LYST: variants seen among roughly 807,000 people sequenced by gnomAD.
LYST encodes the protein lysosomal-trafficking regulator.
A neutral mutation model predicts 413.6 loss-of-function variants in LYST; 192 were observed. The ratio of observed to expected loss-of-function variants is 0.46; its 90% confidence interval spans 0.41 to 0.52. The LOEUF is 0.52. Among genes scored for constraint, LYST ranks in the 20% least tolerant of loss-of-function variants. The pLI, the probability that LYST is intolerant of heterozygous loss-of-function variation, is 0.00. For missense variants in LYST, 3,815 were observed against 4,499.9 expected (o/e 0.85, Z 4.35); for synonymous variants, 1,525 against 1,567.3 (o/e 0.97, Z 0.64).
chr1:235,801,819 TAAG>T (rs1260470807), intron 8 of LYST, among the ~76,000 whole-genome samples: 3 of 152,264 alleles, frequency 2.0e-5, no homozygotes, highest in South Asian at 4.1e-4. Flanking sequence ...GCCCTTTAAG[TAAG>T]ATATCAGTGA....
intron 11 of LYST, among the ~76,000 whole-genome samples, chr1:235,792,419 A>ATTC (rs1016435149): frequency 4.0e-5 from 6 of 151,488 alleles, no homozygotes; most frequent in Non-Finnish European, 8.8e-5. Context: ...GGTTCAGGCG[A>ATTC]TTCTCCTGCC....
intron 22 of LYST, 103 bp downstream of exon 22, chr1:235,762,617 T>A: frequency 8.6e-7 from 1 of 1,166,640 alleles, no homozygotes; most frequent in Non-Finnish European, 1.3e-6. Flanking sequence ...TTAGATTGAA[T>A]GAGGTTGTAC....
In LYST at chr1:235,810,159, G is replaced by A. The variant is rs1673310990; in HGVS notation, c.659C>T (p.Ala220Val). 1 of 1,614,166 alleles carries A rather than the reference G, an allele frequency of 6.2e-7. No individual in the cohort carries two copies. Among genetic ancestry groups the A allele is most frequent in the Non-Finnish European group, 8.5e-7 (1 of 1,180,004 alleles). ...AATAATCTCTCTGGAATTTTCCAAA[G>A]CCATAGCATCTGGAGGAGTCTGTTC... Reference protein sequence around the residue: ...TKEQTPPDAMALENSREIIPR... With the variant: ...TKEQTPPDAMVLENSREIIPR... The change falls in exon 5 of 53, where the codon GCT (alanine) becomes GTT (valine). Residue 220 changes from alanine to valine, a missense_variant. Physicochemically the swap from Ala to Val is moderately conservative, Grantham distance 64. This residue lies in a region of LYST where 1,648 missense variants were observed against 1,810.3 expected (regional missense o/e 0.91). Coordinates refer to ENST00000389793, the MANE Select transcript of LYST (RefSeq NM_000081.4).
At chr1:235,778,121 A>ATATATATATATATATATTTTTTTTTTTTT (rs1039912155) in intron 16 of LYST, among the ~76,000 whole-genome samples, 2 of 145,260 alleles carry the variant, frequency 1.4e-5, no homozygotes, top group African/African-American at 5.3e-5. Flanking sequence ...ATATATATAT[A>ATATATATATATATATATTTTTTTTTTTTT]TTTTTGTAGA....
At chr1:235,832,715 T>A (rs772921567) in intron 2 of LYST, among the ~76,000 whole-genome samples, 9 of 152,122 alleles carry the variant, frequency 5.9e-5, no homozygotes, top group Non-Finnish European at 1.0e-4. Context: ...TAGCTTTTTA[T>A]TATCATAAAC....
chr1:235,783,887 TC>T (rs141547797), intron 14 of LYST, among the ~76,000 whole-genome samples: 68,689 of 147,390 alleles, frequency 0.47, 17,681 homozygotes, highest in African/African-American at 0.74. Flanking sequence ...TTTTTTTTTT[TC>T]TTTTAAATTG....
At chr1:235,740,369 T>C (rs1262826809) in intron 31 of LYST, among the ~76,000 whole-genome samples, 2 of 152,212 alleles carry the variant, frequency 1.3e-5, no homozygotes, top group East Asian at 3.8e-4. Context: ...TAAGACCTTA[T>C]TTTTATCACC....
chr1:235,751,275 G>C lies in LYST; in HGVS notation c.7715C>G (p.Thr2572Arg). Reference sequence around the variant, plus strand: ...AGCAGAAGGTGACTGGAGTGAATCTGTGAGGTTTTCAGAGTCATGATTTGC... The same window carrying C: ...AGCAGAAGGTGACTGGAGTGAATCTCTGAGGTTTTCAGAGTCATGATTTGC... ...TTANHDSENLTDSLQSPSAPH... is the reference protein window; with the variant it reads ...TTANHDSENLRDSLQSPSAPH... Residue 2572 changes from threonine to arginine, a missense_variant, in exon 28 of 53, where the codon ACA becomes AGA. By Grantham distance (71) the Thr-to-Arg change is moderately conservative (BLOSUM62 -1). Transcript: ENST00000389793. 9.3e-6 allele frequency: 15 copies of C among 1,613,652 alleles called. No individual in the cohort carries two copies. The highest frequency in any genetic ancestry group is 1.3e-5 in the Non-Finnish European group (15 of 1,179,612).
At position 235,751,952 on chromosome 1, in the gene LYST, A is replaced by G. The variant is rs570673702; in HGVS notation, c.7627+53T>C. The G allele has an allele frequency of 5.9e-5, 72 of 1,225,910 alleles. No individual in the cohort carries two copies. The African/African-American group carries it at 9.4e-4, about 16-fold the overall frequency. 75.9% of individuals were successfully genotyped at this position (1,225,910 alleles called of 1,614,324 possible). ...AAGAAAGAGATTGTGCTCAAATAACAGGTTTGTCTGTTATACAACTCCCTC... is the reference window on the plus strand; with the variant it reads ...AAGAAAGAGATTGTGCTCAAATAACGGGTTTGTCTGTTATACAACTCCCTC... On this transcript the variant is annotated intron_variant, in intron 27 of 52. Coordinates refer to ENST00000389793, the MANE Select transcript of LYST (RefSeq NM_000081.4).
In LYST at chr1:235,818,525, T is replaced by A. The variant is rs1172988845; in HGVS notation, c.193-5464A>T. Among the ~76,000 whole-genome samples the A allele has an allele frequency of 3.3e-5, 5 of 152,254 alleles. No homozygotes were observed. In the East Asian group the frequency reaches 9.6e-4, roughly 29 times the overall value. Reference sequence around the variant, plus strand: ...ATAAAAGGGCCCCATTTCCATGTGCTTTACTTCCAAATAATAAAACTAAAG... The same window carrying A: ...ATAAAAGGGCCCCATTTCCATGTGCATTACTTCCAAATAATAAAACTAAAG... On this transcript the variant is annotated intron_variant, in intron 3 of 52. Transcript: ENST00000389793.
At chr1:235,671,350 A>C (rs964451548) in intron 50 of LYST, among the ~76,000 whole-genome samples, 6 of 152,246 alleles carry the variant, frequency 3.9e-5, no homozygotes, top group Admixed American at 3.9e-4. Context: ...GATAGAATGC[A>C]TTGAATTTTG....
Position 235,664,118 on chromosome 1 carries a change from A to G in LYST, c.11196-63T>C, listed in dbSNP as rs1184638967. On this transcript the variant is annotated intron_variant, in intron 51 of 52. Transcript: ENST00000389793. The surrounding 1 kb of genome is among the most constrained non-coding windows in gnomAD (Gnocchi z 4.5). ...AATTACTCTCCCTAAAAAGCCCTCT[A>G]TATTTGTTTATTTGTTAAAAATCAT... 19 of 1,212,030 alleles carry G rather than the reference A, an allele frequency of 1.6e-5. No homozygotes were observed. Among genetic ancestry groups the G allele is most frequent in the Non-Finnish European group, 2.2e-5 (18 of 815,536 alleles). The allele number at this position is 1,212,030 out of a possible 1,614,324, so 75.1% of individuals were successfully genotyped here.
rs369502347 is a variant in LYST, at chr1:235,806,002, C to T, written c.3134G>A (p.Ser1045Asn). The T allele has an allele frequency of 1.5e-4, 249 of 1,613,822 alleles. No individual in the cohort carries two copies. The highest frequency in any genetic ancestry group is 2.0e-4 in the Non-Finnish European group (236 of 1,179,914). The change falls in exon 6 of 53, where the codon AGT becomes AAT. Residue 1045 changes from serine to asparagine, a missense_variant. By Grantham distance (46) the Ser-to-Asn change is conservative (BLOSUM62 1). Transcript: ENST00000389793. Reference sequence around the variant, plus strand: ...ACCTAGTTCTGATGGTATGGGGTCACTTTTTATAGCCAAAGATAATAAATC... The same window carrying T: ...ACCTAGTTCTGATGGTATGGGGTCATTTTTTATAGCCAAAGATAATAAATC... ...KEDLLSLAIK[S>N]DPIPSELGSL...
intron 52 of LYST, 145 bp downstream of exon 52, chr1:235,663,839 G>A (rs553397035): frequency 1.7e-5 from 12 of 720,180 alleles, no homozygotes; most frequent in African/African-American, 1.7e-5. Flanking sequence ...GCTGGGTCAC[G>A]GACAACCCGC....
intron 3 of LYST, 122 bp downstream of exon 3, chr1:235,830,104 A>T: frequency 1.4e-6 from 1 of 708,090 alleles, no homozygotes; most frequent in Non-Finnish European, 2.4e-6. Context: ...TTTTTAGTGG[A>T]ATAATGTGAA....
chr1:235,835,569 T>TC, intron 1 of LYST, among the ~76,000 whole-genome samples: 1 of 152,350 alleles, frequency 6.6e-6, no homozygotes, highest in South Asian at 2.1e-4. Flanking sequence ...CTCACTTGAA[T>TC]ATCTATGCAG....
chr1:235,867,804 A>G (rs1680715685), upstream of LYST, among the ~76,000 whole-genome samples: 1 of 152,258 alleles, frequency 6.6e-6, no homozygotes, highest in Non-Finnish European at 1.5e-5. Flanking sequence ...ATCGTTCGGT[A>G]GTTTTCAAGT....
intron 20 of LYST, among the ~76,000 whole-genome samples, chr1:235,767,890 A>C (rs1202819739): frequency 6.6e-6 from 1 of 152,070 alleles, no homozygotes; most frequent in East Asian, 1.9e-4. Context: ...ATTTGGTTCA[A>C]GGTATCATCT....
chr1:235,874,559 A>G (rs1380266162), intron 1 of LYST, among the ~76,000 whole-genome samples: 1 of 152,216 alleles, frequency 6.6e-6, no homozygotes, highest in Non-Finnish European at 1.5e-5. Context: ...TATTTTAAGC[A>G]CCTCCAGTCT....
Sources: gnomAD v4.1 joint callset for allele counts (sites outside exome capture counted in the v4.1 genomes callset) on GRCh38, gnomAD v4.1.1 for gene constraint, gnomAD v4.1.1 regional missense constraint, Gnocchi (gnomAD v3.1) non-coding constraint, MANE v1.5 for transcripts, NCBI Gene and HGNC (gene_info 2026-07-23, HGNC 2026-07-21) for gene names.